The following SYNPR variants were observed in gnomAD, a reference collection of about 807,000 sequenced individuals.
SYNPR encodes the protein synaptoporin.
SYNPR carries 23 observed loss-of-function variants against 32.9 expected under a neutral mutation model. The ratio of observed to expected loss-of-function variants is 0.70; its 90% CI spans 0.50 to 0.99. SYNPR has a LOEUF of 0.99. Ranked by LOEUF, SYNPR falls within the 50% of genes least tolerant of loss-of-function variation. SYNPR has a pLI of 0.00. For synonymous variants in SYNPR, 146 were observed against 135.9 expected (o/e 1.07, Z -0.52); for missense variants, 318 against 349.3 (o/e 0.91, Z 0.71).
chr3:63,532,232 C>CGT (rs1263189346), intron 3 of SYNPR, among the ~76,000 whole-genome samples: 1 of 152,198 alleles, frequency 6.6e-6, no homozygotes, highest in Admixed American at 6.5e-5. Flanking sequence ...CTCTTTCAAT[C>CGT]GTATGTTCCC....
rs1362677826 is a variant in SYNPR at position 63,410,676 on chromosome 3, T to C, written c.85-70156T>C. On this transcript the variant is annotated intron_variant, in intron 2 of 5. Coordinates refer to ENST00000478300, the MANE Select transcript of SYNPR (RefSeq NM_001130003.2). ...CCAAAGTAGGAACCTAAAAACTCAC[T>C]TCCAGCCTCCTCTGCAGCTAGAACA... is the stretch of plus-strand genomic sequence containing the variant. 2.0e-5 allele frequency among the ~76,000 whole-genome samples: 3 copies of C among 152,300 alleles called. 1 individual carries two copies. The highest frequency in any genetic ancestry group is 6.8e-3 in the Middle Eastern group (2 of 294).
chr3:63,278,753 G>GT lies in SYNPR; in HGVS notation c.84+12dup. 2 of 1,551,524 alleles carry GT rather than the reference G, an allele frequency of 1.3e-6. No individual in the cohort carries two copies. The highest frequency in any genetic ancestry group is 8.7e-7 in the Non-Finnish European group (1 of 1,147,000). On this transcript the variant is annotated intron_variant, in intron 2 of 5. Transcript: ENST00000478300. ...CGAGCCCTGGAATTGGTGAGTAGCA[G>GT]TGTGTGTGCAGGGAGGGGCGCCAGG...
chr3:63,517,745 C>G (rs534880599), intron 3 of SYNPR, among the ~76,000 whole-genome samples: 1 of 152,092 alleles, frequency 6.6e-6, no homozygotes, highest in Admixed American at 6.6e-5. Context: ...GGTTATAGGT[C>G]ACACTTCGTT....
intron 3 of SYNPR, among the ~76,000 whole-genome samples, chr3:63,269,873 C>A (rs1294703612): frequency 6.6e-6 from 1 of 152,210 alleles, no homozygotes; most frequent in Non-Finnish European, 1.5e-5. Flanking sequence ...ATCATTTATT[C>A]ATTCAACAAA....
intron 1 of SYNPR, among the ~76,000 whole-genome samples, chr3:63,237,621 T>C (rs2086209431): frequency 1.3e-5 from 2 of 152,186 alleles, no homozygotes; most frequent in Admixed American, 1.3e-4. Context: ...CTTTCAATCC[T>C]ACTGTGAACA....
chr3:63,271,529 C>T (rs781117936), intron 3 of SYNPR, among the ~76,000 whole-genome samples: 42 of 152,194 alleles, frequency 2.8e-4, no homozygotes, highest in Non-Finnish European at 5.1e-4. Context: ...TGAATGCATG[C>T]AGTATACTTT....
chr3:63,203,068 G>GTGTGTGTGTGTA, the SYNPR span: 5 of 108,584 alleles, frequency 4.6e-5, 1 homozygote, highest in Non-Finnish European at 7.1e-5. Flanking sequence ...ATATGTATGT[G>GTGTGTGTGTGTA]TATATATATA....
At chr3:63,374,305 G>GT (rs35779173) in intron 2 of SYNPR, among the ~76,000 whole-genome samples, 106,591 of 152,070 alleles carry the variant, frequency 0.7, 38,399 homozygotes, top group East Asian at 0.93. Context: ...TAATTATGTG[G>GT]TTTTGTTTTT....
At chr3:63,256,012 A>G (rs1032698861) in intron 2 of SYNPR, among the ~76,000 whole-genome samples, 2 of 152,166 alleles carry the variant, frequency 1.3e-5, no homozygotes, top group African/African-American at 4.8e-5. Flanking sequence ...GGCAGCAGCA[A>G]GGCTGGGGGA....
intron 2 of SYNPR, among the ~76,000 whole-genome samples, chr3:63,437,641 G>T (rs888715548): frequency 6.6e-6 from 1 of 150,594 alleles, no homozygotes; most frequent in African/African-American, 2.4e-5. Context: ...AGTGAAGGGA[G>T]GTAGGGAGGG....
At position 63,571,321 on chromosome 3, in the gene SYNPR, C is replaced by T. The variant is rs1368711790; in HGVS notation, c.408+14580C>T. 2.0e-5 allele frequency among the ~76,000 whole-genome samples: 3 copies of T among 152,148 alleles called. No individual in the cohort carries two copies. The East Asian group carries it at 5.8e-4, about 29-fold the overall frequency. Reference sequence around the variant, plus strand: ...CCTGCTGTCCCTGCAGTCTTTGTTCCTCTCTGAAAAGGTGGAATTTGGCCT... The same window carrying T: ...CCTGCTGTCCCTGCAGTCTTTGTTCTTCTCTGAAAAGGTGGAATTTGGCCT... On this transcript the variant is annotated intron_variant, in intron 4 of 5. Transcript: ENST00000478300.
At chr3:63,211,653 C>G in the SYNPR span, among the ~76,000 whole-genome samples, 1 of 151,556 alleles carries the variant, frequency 6.6e-6, no homozygotes, top group Non-Finnish European at 1.5e-5. Context: ...TTCCCAGGGT[C>G]TGTAATGAAG....
intron 3 of SYNPR, among the ~76,000 whole-genome samples, chr3:63,513,878 T>A (rs1701742671): frequency 6.6e-6 from 1 of 152,042 alleles, no homozygotes; most frequent in Admixed American, 6.6e-5. Flanking sequence ...CTGAGGAGCC[T>A]TTGAAATCCC....
chr3:63,610,517 G>T (rs1559550966), intron 5 of SYNPR: 1 of 700,444 alleles, frequency 1.4e-6, no homozygotes, highest in East Asian at 2.7e-5. Flanking sequence ...AAGAGAGAAA[G>T]GGTTGCTACT....
intron 2 of SYNPR, among the ~76,000 whole-genome samples, chr3:63,356,310 C>T (rs2087576802): frequency 6.6e-6 from 1 of 152,196 alleles, no homozygotes; most frequent in Admixed American, 6.5e-5. Context: ...ATGTGTTAAC[C>T]ACCACAGTCT....
intron 3 of SYNPR, among the ~76,000 whole-genome samples, chr3:63,499,204 G>A (rs1349302973): frequency 6.6e-6 from 1 of 152,040 alleles, no homozygotes; most frequent in Non-Finnish European, 1.5e-5. Flanking sequence ...CATAGAACTG[G>A]CTAATAGAAA....
rs553092458 is a variant in SYNPR at position 63,260,565 on chromosome 3, G to T, written n.155-6752G>T. Among the ~76,000 whole-genome samples, 381 of 152,180 alleles carry T rather than the reference G, an allele frequency of 2.5e-3. 5 individuals carry two copies. Among genetic ancestry groups the T allele is most frequent in the African/African-American group, 8.5e-3 (353 of 41,516 alleles). ...CCCTTCCTTACACCTTATACAAAAA[G>T]TAATTCAAGATGGATTAAAGACTTA... On this transcript the variant is annotated intron_variant and non_coding_transcript_variant, in intron 2 of 4. Coordinates refer to the SYNPR transcript ENST00000478456.
At chr3:63,312,272 A>C (rs1000486376) in intron 2 of SYNPR, among the ~76,000 whole-genome samples, 1 of 152,032 alleles carries the variant, frequency 6.6e-6, no homozygotes, top group Admixed American at 6.6e-5. Flanking sequence ...TTTTACATTA[A>C]TAAGAGTGAC....
intron 2 of SYNPR, among the ~76,000 whole-genome samples, chr3:63,375,914 G>C (rs2087888292): frequency 6.6e-6 from 1 of 152,074 alleles, no homozygotes; most frequent in Non-Finnish European, 1.5e-5. Context: ...ATATGTTGAA[G>C]AAGAAAGTAT....
Sources: allele counts gnomAD v4.1 joint callset (sites outside exome capture counted in the v4.1 genomes callset), GRCh38; gene constraint gnomAD v4.1.1; transcripts MANE v1.5; gene names NCBI Gene and HGNC (gene_info 2026-07-23, HGNC 2026-07-21).